The following RBAK variants were observed in gnomAD, a reference collection of about 807,000 sequenced individuals.
RBAK encodes the protein RB associated KRAB zinc finger.
RBAK carries 39 observed loss-of-function variants against 65.8 expected under a neutral mutation model. That is an observed-to-expected ratio of 0.59 (90% confidence interval 0.46 to 0.77). The LOEUF is 0.77. RBAK is among the 30% of genes least tolerant of loss of function. The pLI is 0.00. For missense variants in RBAK, 884 were observed against 855.1 expected (o/e 1.03, Z -0.42); for synonymous variants, 343 against 289.7 (o/e 1.18, Z -1.87).
At chr7:5,050,772 C>T (rs1306739855) in intron 2 of RBAK, among the ~76,000 whole-genome samples, 1 of 151,978 alleles carries the variant, frequency 6.6e-6, no homozygotes, top group Non-Finnish European at 1.5e-5. Flanking sequence ...ACAGGTTTTG[C>T]TATGTTGCCC....
At chr7:5,056,200 C>A (rs1788228422) in intron 2 of RBAK, among the ~76,000 whole-genome samples, 1 of 151,544 alleles carries the variant, frequency 6.6e-6, no homozygotes, top group African/African-American at 2.4e-5. Context: ...CTTGACCTCC[C>A]AGGCTCAAGT....
At chr7:5,054,357 A>G (rs531044101) in intron 2 of RBAK, among the ~76,000 whole-genome samples, 1 of 149,398 alleles carries the variant, frequency 6.7e-6, no homozygotes, top group East Asian at 2.0e-4. Flanking sequence ...GTGAGCCAAG[A>G]TTGTGCCATT....
At position 5,067,493 on chromosome 7, in the gene RBAK, G is replaced by T. The variant is rs1048636684; in HGVS notation, c.*1892G>T. On this transcript the variant is annotated 3_prime_UTR_variant, in exon 5 of 5. Coordinates refer to ENST00000396912, the MANE Select transcript of RBAK (RefSeq NM_021163.4). ...AAATTACAAAGGAGGAGAGGGATAG[G>T]ATTCCAGGACAATCTCAAAACTATT... 21 of 152,274 alleles carry T rather than the reference G, an allele frequency of 1.4e-4. No individual in the cohort carries two copies. The highest frequency in any genetic ancestry group is 5.1e-4 in the African/African-American group (21 of 41,572). 9.4% of individuals were successfully genotyped at this position (152,274 alleles called of 1,614,324 possible). A position where few individuals can be genotyped will look rare whatever the true frequency, so the allele number is the denominator to read the frequency against.
At position 5,046,108 on chromosome 7, in the gene RBAK, A is replaced by AGGTGGCGGC. The variant is rs1787973228; in HGVS notation, c.-330_-322dup. The AGGTGGCGGC allele has an allele frequency of 3.2e-6, 1 of 314,412 alleles. No homozygotes were observed. The highest frequency in any genetic ancestry group is 2.4e-5 in the African/African-American group (1 of 42,522). 19.5% of individuals were successfully genotyped at this position (314,412 alleles called of 1,614,324 possible). ...AGAGGGGCCGGACGGGAGGTGGCGG[A>AGGTGGCGGC]GGTGGCGGCGGAGGCGAAGGGGCGG... On this transcript the variant is annotated 5_prime_UTR_variant, in exon 1 of 5. Coordinates refer to ENST00000396912, the MANE Select transcript of RBAK (RefSeq NM_021163.4).
intron 2 of RBAK, among the ~76,000 whole-genome samples, chr7:5,052,882 C>T (rs1274351985): frequency 6.6e-6 from 1 of 152,080 alleles, no homozygotes; most frequent in Non-Finnish European, 1.5e-5. Flanking sequence ...GCCTCAGCCT[C>T]CCGGGTAGCT....
chr7:5,056,318 A>G (rs1258783383), intron 2 of RBAK, among the ~76,000 whole-genome samples: 1 of 151,412 alleles, frequency 6.6e-6, no homozygotes, highest in African/African-American at 2.4e-5. Context: ...AGGTCTTACT[A>G]TGTTGCCCAA....
At chr7:5,062,781 C>A (rs1779109040) in intron 4 of RBAK, among the ~76,000 whole-genome samples, 1 of 152,188 alleles carries the variant, frequency 6.6e-6, no homozygotes, top group Non-Finnish European at 1.5e-5. Flanking sequence ...ATTCTCTTTC[C>A]CAGGGATGTT....
chr7:5,047,474 T>G (rs978797131), intron 1 of RBAK, among the ~76,000 whole-genome samples: 4 of 152,124 alleles, frequency 2.6e-5, no homozygotes, highest in African/African-American at 9.7e-5. Flanking sequence ...TTGTATTTGA[T>G]GATGGCAGAC....
intron 2 of RBAK, among the ~76,000 whole-genome samples, chr7:5,050,943 A>G (rs1182062353): frequency 6.6e-6 from 1 of 152,192 alleles, no homozygotes; most frequent in Non-Finnish European, 1.5e-5. Flanking sequence ...GACAGTTTCT[A>G]AAATGTTGAG....
Position 5,064,671 on chromosome 7 carries a change from A to T in RBAK, c.1215A>T (p.Glu405Asp). 6.2e-7 allele frequency: 1 copy of T among 1,612,120 alleles called. No homozygotes were observed. Among genetic ancestry groups the T allele is most frequent in the Non-Finnish European group, 8.5e-7 (1 of 1,178,444 alleles). ...HTGEKLYKCN[E>D]CGKSYYRKST... Reference sequence around the variant, plus strand: ...GAGAGAAGCTTTATAAATGTAATGAATGTGGGAAATCCTACTACCGAAAGT... The same window carrying T: ...GAGAGAAGCTTTATAAATGTAATGATTGTGGGAAATCCTACTACCGAAAGT... Residue 405 changes from glutamate to aspartate, a missense_variant, in exon 5 of 5, where the codon GAA becomes GAT. Coordinates refer to ENST00000396912, the MANE Select transcript of RBAK (RefSeq NM_021163.4). This position sits in a 1 kb window ranked among gnomAD's most constrained non-coding sequence, Gnocchi z 6.3.
chr7:5,059,937 T>G (rs1779029417), intron 4 of RBAK, among the ~76,000 whole-genome samples: 1 of 152,184 alleles, frequency 6.6e-6, no homozygotes, highest in Non-Finnish European at 1.5e-5. Flanking sequence ...TCAAAGATTA[T>G]ATGTTCTGAT....
intron 2 of RBAK, among the ~76,000 whole-genome samples, chr7:5,052,574 T>C (rs1360682941): frequency 6.6e-6 from 1 of 152,234 alleles, no homozygotes; most frequent in Non-Finnish European, 1.5e-5. Context: ...TTAATTATCA[T>C]AGTTTATTCT....
At chr7:5,046,666 C>G (rs1583450027) in intron 1 of RBAK, among the ~76,000 whole-genome samples, 2 of 152,222 alleles carry the variant, frequency 1.3e-5, no homozygotes, top group African/African-American at 4.8e-5. Context: ...CCTTCCTCCT[C>G]CTTTCCGTGC....
In RBAK at chr7:5,065,578, G is replaced by A. The variant is rs373577795; in HGVS notation, c.2122G>A (p.Val708Ile). The A allele has an allele frequency of 3.2e-5, 49 of 1,522,894 alleles. No homozygotes were observed. The highest frequency in any genetic ancestry group is 3.9e-5 in the Non-Finnish European group (44 of 1,138,322). 94.3% of individuals were successfully genotyped at this position (1,522,894 alleles called of 1,614,324 possible). A position where few individuals can be genotyped will look rare whatever the true frequency, so the allele number is the denominator to read the frequency against. Residue 708 changes from valine (V) to isoleucine (I), a missense_variant, in exon 5 of 5, where the codon GTA (valine) becomes ATA (isoleucine). By Grantham distance (29) the Val-to-Ile change is conservative. Transcript: ENST00000396912. The surrounding 1 kb of genome is among the most constrained non-coding windows in gnomAD (Gnocchi z 5.3). ...AATTCATAGAAGAGGAAATATGAACGTACTTGATGTGGAAAATCTCTGAAG... is the reference window on the plus strand; with the variant it reads ...AATTCATAGAAGAGGAAATATGAACATACTTGATGTGGAAAATCTCTGAAG... ...QRIHRRGNMN[V>I]LDVENL
intron 4 of RBAK, among the ~76,000 whole-genome samples, chr7:5,059,137 C>A (rs1285364238): frequency 6.6e-6 from 1 of 152,206 alleles, no homozygotes; most frequent in African/African-American, 2.4e-5. Flanking sequence ...AAATGCCTGG[C>A]AGAGCGTCAG....
intron 4 of RBAK, 23 bp from the exon 5 acceptor site, chr7:5,063,672 T>G (rs1259953097): frequency 2.6e-6 from 4 of 1,529,714 alleles, no homozygotes; most frequent in Non-Finnish European, 3.5e-6. Flanking sequence ...TTACAAAGTT[T>G]GTTTACTATT....
At chr7:5,055,708 T>C (rs1222445729) in intron 2 of RBAK, among the ~76,000 whole-genome samples, 2 of 152,194 alleles carry the variant, frequency 1.3e-5, no homozygotes, top group East Asian at 3.8e-4. Context: ...AATTTTATGT[T>C]ATTTATTGGT....
chr7:5,052,973 T>C (rs910253705), intron 2 of RBAK, among the ~76,000 whole-genome samples: 90 of 152,240 alleles, frequency 5.9e-4, no homozygotes, highest in African/African-American at 2.1e-3. Flanking sequence ...TTGGCCAGGC[T>C]GGTCTCAAAC....
At chr7:5,050,417 G>T (rs755693658) in intron 2 of RBAK, among the ~76,000 whole-genome samples, 2 of 152,110 alleles carry the variant, frequency 1.3e-5, no homozygotes, top group Non-Finnish European at 2.9e-5. Flanking sequence ...TGTACCGTAC[G>T]TGGCATTTGT....
Sources: allele counts gnomAD v4.1 joint callset (sites outside exome capture counted in the v4.1 genomes callset), GRCh38; gene constraint gnomAD v4.1.1; non-coding constraint Gnocchi (gnomAD v3.1); transcripts MANE v1.5; gene names NCBI Gene and HGNC (gene_info 2026-07-23, HGNC 2026-07-21).